Variants in NTRK3 observed in about 807,000 individuals in gnomAD.
NTRK3 encodes the protein neurotrophic receptor tyrosine kinase 3.
Under a neutral mutation model 91.7 loss-of-function variants are expected in NTRK3, and 24 were observed. The observed-to-expected ratio is 0.26, with a 90% CI of 0.19 to 0.37. The LOEUF is 0.37. Ranked by LOEUF, NTRK3 falls within the 10% of genes least tolerant of loss-of-function variation. NTRK3 has a pLI of 1.00. For missense variants in NTRK3, 880 were observed against 1,068.9 expected (o/e 0.82, Z 2.46); for synonymous variants, 483 against 404.0 (o/e 1.20, Z -2.34).
chr15:88,198,887 A>T (rs1188489007), intron 3 of NTRK3, among the ~76,000 whole-genome samples: 1 of 152,188 alleles, frequency 6.6e-6, no homozygotes, highest in Non-Finnish European at 1.5e-5. Context: ...CACACTCCTC[A>T]GAGTCTCATC....
At chr15:87,896,473 GAAAAAAA>G (rs377592642) in intron 17 of NTRK3, among the ~76,000 whole-genome samples, 1 of 92,592 alleles carries the variant, frequency 1.1e-5, no homozygotes, top group Non-Finnish European at 2.4e-5. Flanking sequence ...CTGTCTCAAA[GAAAAAAA>G]AAAAAAAGAA....
chr15:88,217,018 A>G (rs2049837385), intron 3 of NTRK3, among the ~76,000 whole-genome samples: 1 of 152,270 alleles, frequency 6.6e-6, no homozygotes, highest in Admixed American at 6.5e-5. Flanking sequence ...GCACATGAAG[A>G]CATACTTGAC....
chr15:88,168,125 T>C (rs1001237934), intron 5 of NTRK3, among the ~76,000 whole-genome samples: 9 of 152,168 alleles, frequency 5.9e-5, no homozygotes, highest in African/African-American at 4.8e-5. Context: ...CATAATATTA[T>C]GCAACTTCTC....
intron 17 of NTRK3, among the ~76,000 whole-genome samples, chr15:87,904,056 T>C (rs906634851): frequency 2.0e-5 from 3 of 152,140 alleles, no homozygotes; most frequent in Non-Finnish European, 2.9e-5. Flanking sequence ...TCCTTAGAAA[T>C]ACTAAGTTTG....
At chr15:88,221,983 T>C (rs1037890956) in intron 3 of NTRK3, among the ~76,000 whole-genome samples, 1 of 152,230 alleles carries the variant, frequency 6.6e-6, no homozygotes, top group Non-Finnish European at 1.5e-5. Context: ...TACATGCAAC[T>C]GGAATCTCTT....
At chr15:88,152,553 A>G (rs1301748295) in intron 5 of NTRK3, among the ~76,000 whole-genome samples, 1 of 152,222 alleles carries the variant, frequency 6.6e-6, no homozygotes, top group African/African-American at 2.4e-5. Context: ...AGCCCTGCCA[A>G]TGACACTTTG....
intron 17 of NTRK3, among the ~76,000 whole-genome samples, chr15:87,904,154 A>ATT (rs11385386): frequency 0.11 from 15,466 of 142,722 alleles, 935 homozygotes; most frequent in Middle Eastern, 0.18. Context: ...TACAATAAGC[A>ATT]TTTTTTTTTT....
intron 3 of NTRK3, among the ~76,000 whole-genome samples, chr15:88,230,355 A>G (rs1181036420): frequency 6.6e-6 from 1 of 152,194 alleles, no homozygotes; most frequent in Non-Finnish European, 1.5e-5. Context: ...TGTTCCCACA[A>G]GTATCCTCAC....
chr15:88,067,965 A>C (rs905154141), intron 13 of NTRK3, among the ~76,000 whole-genome samples: 1 of 152,138 alleles, frequency 6.6e-6, no homozygotes, highest in African/African-American at 2.4e-5. Context: ...GCAGTTTTTT[A>C]CAGGATCCAC....
chr15:87,908,947 C>A (rs530474770), intron 17 of NTRK3, among the ~76,000 whole-genome samples: 1 of 152,100 alleles, frequency 6.6e-6, no homozygotes, highest in South Asian at 2.1e-4. Flanking sequence ...TCCCAGCCAA[C>A]CTACTGCTTG....
At chr15:88,111,891 GTT>G (rs58127562) in intron 13 of NTRK3, among the ~76,000 whole-genome samples, 2 of 146,344 alleles carry the variant, frequency 1.4e-5, no homozygotes, top group Non-Finnish European at 3.0e-5. Context: ...CTGGTTTCTG[GTT>G]TTTTTTTTGT....
intron 14 of NTRK3, among the ~76,000 whole-genome samples, chr15:87,949,987 T>C (rs548027203): frequency 5.9e-5 from 9 of 152,136 alleles, no homozygotes. Flanking sequence ...AAAGTGCCCA[T>C]ATGAGGGTCA....
At chr15:87,949,873 G>A (rs1161261554) in intron 14 of NTRK3, among the ~76,000 whole-genome samples, 1 of 152,224 alleles carries the variant, frequency 6.6e-6, no homozygotes, top group African/African-American at 2.4e-5. Context: ...GTTAGGTGCT[G>A]AAAGATGAAT....
chr15:88,181,270 C>T (rs1399919900), intron 5 of NTRK3, among the ~76,000 whole-genome samples: 1 of 152,134 alleles, frequency 6.6e-6, no homozygotes, highest in Non-Finnish European at 1.5e-5. Context: ...TCCTCCTACC[C>T]ACAAAGCCTT....
chr15:88,170,744 G>A (rs1032050888), intron 5 of NTRK3, among the ~76,000 whole-genome samples: 1 of 152,250 alleles, frequency 6.6e-6, no homozygotes, highest in Middle Eastern at 3.4e-3. Flanking sequence ...CCACTGTAGG[G>A]TCCCTGAGGA....
At chr15:87,966,980 T>G (rs2072853795) in intron 14 of NTRK3, among the ~76,000 whole-genome samples, 1 of 152,170 alleles carries the variant, frequency 6.6e-6, no homozygotes, top group Non-Finnish European at 1.5e-5. Flanking sequence ...CAACCAAAAA[T>G]GTCTCCACAC....
chr15:88,155,250 G>T (rs1650395342), intron 5 of NTRK3, among the ~76,000 whole-genome samples: 2 of 152,184 alleles, frequency 1.3e-5, no homozygotes, highest in Non-Finnish European at 2.9e-5. Flanking sequence ...GAGAAAGTAG[G>T]GACCCATGTG....
intron 13 of NTRK3, among the ~76,000 whole-genome samples, chr15:88,058,573 G>C (rs543443703): frequency 3.9e-5 from 6 of 151,996 alleles, no homozygotes; most frequent in African/African-American, 7.2e-5. Context: ...CAAAATTCTG[G>C]CCCAAAGCAC....
At chr15:87,971,010 CT>C (rs2141272480) in intron 14 of NTRK3, among the ~76,000 whole-genome samples, 1 of 152,294 alleles carries the variant, frequency 6.6e-6, no homozygotes, top group East Asian at 1.9e-4. Context: ...TTCTTAACGA[CT>C]AGGTTGGCCA....
Sources: gnomAD v4.1 joint callset for allele counts (sites outside exome capture counted in the v4.1 genomes callset) on GRCh38, gnomAD v4.1.1 for gene constraint, MANE v1.5 for transcripts, NCBI Gene and HGNC (gene_info 2026-07-23, HGNC 2026-07-21) for gene names.